The following HDLBP variants were observed in gnomAD, a reference collection of about 807,000 sequenced individuals.
HDLBP encodes vigilin.
HDLBP carries 30 observed loss-of-function variants against 137.3 expected under a neutral mutation model. The ratio of observed to expected loss-of-function variants is 0.22; its 90% confidence interval spans 0.16 to 0.30. The LOEUF (loss-of-function observed/expected upper bound fraction) is 0.30, where lower values mean the gene tolerates loss of function less well. Ranked by LOEUF, HDLBP falls within the 10% of genes least tolerant of loss-of-function variation. HDLBP has a pLI of 1.00. For missense variants in HDLBP, 1,119 were observed against 1,667.3 expected, an observed-to-expected ratio of 0.67 and a Z score of 5.73; for synonymous variants, 606 against 596.0, an observed-to-expected ratio of 1.02 and a Z score of -0.24.
chr2:241,270,870 G>A, intron 1 of HDLBP: 1 of 672,484 alleles, frequency 1.5e-6, no homozygotes, highest in Non-Finnish European at 1.8e-6. Context: ...CCCAAGAACA[G>A]AGGCTAACAT....
chr2:241,271,196 C>A, intron 1 of HDLBP: 1 of 916,880 alleles, frequency 1.1e-6, no homozygotes, highest in Non-Finnish European at 1.3e-6. Flanking sequence ...GATTCTGGCT[C>A]TCCCAACTAC....
chr2:241,312,629 T>A (rs1416657317), intron 1 of HDLBP, among the ~76,000 whole-genome samples: 1 of 152,240 alleles, frequency 6.6e-6, no homozygotes, highest in South Asian at 2.1e-4. Flanking sequence ...ATGATATGCT[T>A]CTTTCAGAAC....
At chr2:241,267,019 A>G (rs2149544985) in intron 2 of HDLBP, 113 bp from the exon 3 acceptor site, 1 of 745,496 alleles carries the variant, frequency 1.3e-6, no homozygotes, top group Non-Finnish European at 2.3e-6. Flanking sequence ...AGCAAACTAT[A>G]CCTTTTTATT....
At chr2:241,303,026 G>C (rs540873084) in intron 1 of HDLBP, among the ~76,000 whole-genome samples, 26 of 152,274 alleles carry the variant, frequency 1.7e-4, no homozygotes, top group African/African-American at 6.3e-4. Context: ...CTAACACGCA[G>C]CACAACCACT....
intron 5 of HDLBP, 57 bp from the exon 6 acceptor site, chr2:241,256,863 T>C: frequency 2.0e-6 from 3 of 1,471,022 alleles, no homozygotes; most frequent in Non-Finnish European, 2.8e-6. Flanking sequence ...TGAAGGAGCA[T>C]ATTTTTCCAA....
chr2:241,292,155 C>T (rs1311055487), intron 1 of HDLBP, among the ~76,000 whole-genome samples: 1 of 152,164 alleles, frequency 6.6e-6, no homozygotes, highest in Non-Finnish European at 1.5e-5. Context: ...ACACAGAGCA[C>T]AGTCTGTGGA....
At chr2:241,268,953 C>T (rs1387436009) in intron 1 of HDLBP, 2 of 152,240 alleles carry the variant, frequency 1.3e-5, no homozygotes, top group African/African-American at 2.4e-5. Context: ...TGGGCTCTGA[C>T]CTACAACAGA....
chr2:241,249,729 G>T, intron 12 of HDLBP, 112 bp downstream of exon 12: 1 of 1,065,774 alleles, frequency 9.4e-7, no homozygotes, highest in Non-Finnish European at 1.3e-6. Flanking sequence ...TGCAACGTGG[G>T]ATTTGTCGAC....
At chr2:241,261,404 T>C (rs1265474651) in intron 5 of HDLBP, among the ~76,000 whole-genome samples, 1 of 152,170 alleles carries the variant, frequency 6.6e-6, no homozygotes, top group Non-Finnish European at 1.5e-5. Flanking sequence ...TCAATATGAT[T>C]ACATGAGTTA....
intron 1 of HDLBP, among the ~76,000 whole-genome samples, chr2:241,283,629 C>G (rs1365983488): frequency 6.6e-6 from 1 of 151,378 alleles, no homozygotes; most frequent in East Asian, 2.0e-4. Flanking sequence ...CGCCCACCAC[C>G]ACGCCCGGCT....
At chr2:241,286,223 G>A (rs967441690) in intron 1 of HDLBP, among the ~76,000 whole-genome samples, 4 of 152,130 alleles carry the variant, frequency 2.6e-5, no homozygotes, top group African/African-American at 7.2e-5. Context: ...GGAGGTTGAG[G>A]TGGGTAGATC....
chr2:241,271,403 C>A (rs1387763862), intron 1 of HDLBP, among the ~76,000 whole-genome samples: 1 of 152,218 alleles, frequency 6.6e-6, no homozygotes, highest in African/African-American at 2.4e-5. Context: ...GACCCCTTTC[C>A]GCCCTAATAC....
chr2:241,237,422 A>C (rs566419629), intron 20 of HDLBP, among the ~76,000 whole-genome samples: 1 of 152,334 alleles, frequency 6.6e-6, no homozygotes, highest in African/African-American at 2.4e-5. Context: ...AAGTGTCACA[A>C]AACAGACACA....
rs1323220004 is a variant in HDLBP at position 241,253,440 on chromosome 2, C to A, written c.1246G>T (p.Asp416Tyr). 1 of 1,613,814 alleles carries A rather than the reference C, an allele frequency of 6.2e-7. No individual in the cohort carries two copies. The highest frequency in any genetic ancestry group is 1.3e-5 in the African/African-American group (1 of 75,054). ...ATCTGTTCCTGGGCCACATTGACATCCTCTGTAGGGCCCTCCAGGGTGATC... is the reference window on the plus strand; with the variant it reads ...ATCTGTTCCTGGGCCACATTGACATACTCTGTAGGGCCCTCCAGGGTGATC... ...DKITLEGPTE[D>Y]VNVAQEQIEG... Residue 416 changes from aspartate to tyrosine, a missense_variant, in exon 10 of 28, where the codon GAT becomes TAT. Transcript: ENST00000310931.
intron 1 of HDLBP, among the ~76,000 whole-genome samples, chr2:241,290,014 C>A (rs1431313691): frequency 1.3e-5 from 2 of 151,946 alleles, no homozygotes; most frequent in Non-Finnish European, 2.9e-5. Context: ...GCTGAAGAAA[C>A]CACTTTGTGT....
chr2:241,299,505 CAAAAAAAAAAAA>C (rs11423330), intron 1 of HDLBP, among the ~76,000 whole-genome samples: 6 of 49,596 alleles, frequency 1.2e-4, no homozygotes, highest in East Asian at 2.0e-3. Context: ...GGCTCCGTCT[CAAAAAAAAAAAA>C]AAAAAAAAAA....
At chr2:241,308,453 C>T (rs140921701) in intron 1 of HDLBP, among the ~76,000 whole-genome samples, 9 of 152,306 alleles carry the variant, frequency 5.9e-5, no homozygotes, top group East Asian at 1.9e-4. Context: ...ACATCTTTTG[C>T]CTCAATTAGT....
At chr2:241,273,641 CGCA>C (rs1470195469) in intron 1 of HDLBP, 2 of 985,172 alleles carry the variant, frequency 2.0e-6, no homozygotes, top group African/African-American at 3.5e-5. Flanking sequence ...CTGGCAAAGT[CGCA>C]GGTCAACAGA....
chr2:241,279,576 A>G (rs1440935445), intron 1 of HDLBP, among the ~76,000 whole-genome samples: 1 of 152,196 alleles, frequency 6.6e-6, no homozygotes, highest in African/African-American at 2.4e-5. Flanking sequence ...CACCACAGAC[A>G]CTGACATTGC....
Sources: gnomAD v4.1 joint callset for allele counts (sites outside exome capture counted in the v4.1 genomes callset) on GRCh38, gnomAD v4.1.1 for gene constraint, MANE v1.5 for transcripts, NCBI Gene and HGNC (gene_info 2026-07-23, HGNC 2026-07-21) for gene names.